The following TNRC6C variants were observed in gnomAD, a reference collection of about 807,000 sequenced individuals.
TNRC6C encodes trinucleotide repeat-containing gene 6C protein.
A neutral mutation model predicts 153.7 loss-of-function variants in TNRC6C; 20 were observed. The observed-to-expected ratio is 0.13, with a 90% CI of 0.09 to 0.19. TNRC6C has a LOEUF of 0.19. Ranked by LOEUF, TNRC6C falls within the 10% of genes least tolerant of loss-of-function variation. TNRC6C has a pLI of 1.00. For synonymous variants in TNRC6C, 811 were observed against 841.4 expected (o/e 0.96, Z 0.63); for missense variants, 1,987 against 2,172.0 (o/e 0.91, Z 1.69).
At chr17:78,016,023 A>G (rs1040659694) in intron 1 of TNRC6C, among the ~76,000 whole-genome samples, 1 of 152,248 alleles carries the variant, frequency 6.6e-6, no homozygotes, top group Non-Finnish European at 1.5e-5. Context: ...TGGGTTTAAA[A>G]TATGGAGGAC....
chr17:77,982,991 TA>T (rs1288681533), intron 1 of TNRC6C, among the ~76,000 whole-genome samples: 1 of 151,998 alleles, frequency 6.6e-6, no homozygotes, highest in Non-Finnish European at 1.5e-5. Context: ...AACAGAGCTT[TA>T]AAAGACAAAA....
At chr17:78,101,146 T>C (rs1483780799) in intron 17 of TNRC6C, among the ~76,000 whole-genome samples, 2 of 152,234 alleles carry the variant, frequency 1.3e-5, no homozygotes, top group Non-Finnish European at 2.9e-5. Context: ...AAGTCACCTC[T>C]TGAAGGCTTT....
At chr17:77,974,090 A>G (rs1319440577) in intron 1 of TNRC6C, among the ~76,000 whole-genome samples, 1 of 151,966 alleles carries the variant, frequency 6.6e-6, no homozygotes, top group Admixed American at 6.6e-5. Context: ...AAGAAAGAAA[A>G]AGAATGGAGG....
intron 3 of TNRC6C, among the ~76,000 whole-genome samples, chr17:78,051,927 C>T (rs929705996): frequency 6.6e-5 from 10 of 152,190 alleles, no homozygotes; most frequent in African/African-American, 2.4e-4. Context: ...TAAAAGGTCC[C>T]AGATACGGAA....
intron 1 of TNRC6C, chr17:78,008,541 C>T (rs1384048696): frequency 1.3e-5 from 2 of 152,236 alleles, no homozygotes; most frequent in Non-Finnish European, 2.9e-5. Context: ...CTTTGGCTTT[C>T]ATCAGTTTCT....
At chr17:78,092,057 G>T (rs2073403857) in intron 14 of TNRC6C, among the ~76,000 whole-genome samples, 1 of 152,072 alleles carries the variant, frequency 6.6e-6, no homozygotes, top group South Asian at 2.1e-4. Flanking sequence ...ACTCCAAACT[G>T]GTGTCCCCAT....
At chr17:78,085,039 G>T (rs1255839772) in intron 11 of TNRC6C, among the ~76,000 whole-genome samples, 4 of 152,142 alleles carry the variant, frequency 2.6e-5, no homozygotes, top group African/African-American at 9.7e-5. Context: ...CTGCCCGCCG[G>T]AGACCACTGA....
chr17:78,086,803 A>G (rs1209626917), intron 12 of TNRC6C, 50 bp from the exon 15 acceptor site: 3 of 1,598,632 alleles, frequency 1.9e-6, no homozygotes, highest in African/African-American at 2.7e-5. Context: ...TAGACAAGCC[A>G]TGAGTGTCCC....
chr17:78,082,998 CTA>C lies in TNRC6C; in HGVS notation c.3358-47_3358-46del, dbSNP rs758392597. The C allele has an allele frequency of 3.7e-5, 59 of 1,598,172 alleles. No individual in the cohort carries two copies. In the South Asian group the frequency reaches 4.7e-4, roughly 13 times the overall value. On this transcript the variant is annotated intron_variant, in intron 10 of 19. Transcript: ENST00000301624. ...TTTGAAAAACTACAGGTACAAGTAACTATTTTAACAGAGATACAACGGCTAAT... is the reference window on the plus strand; with the variant it reads ...TTTGAAAAACTACAGGTACAAGTAACTTTTAACAGAGATACAACGGCTAAT...
intron 3 of TNRC6C, among the ~76,000 whole-genome samples, chr17:78,057,645 C>T (rs1212215010): frequency 6.6e-6 from 1 of 152,184 alleles, no homozygotes; most frequent in Non-Finnish European, 1.5e-5. Context: ...GTGACTACTT[C>T]ATGAAGTTTC....
chr17:77,985,603 A>AAAAAAAAAAAAAAAAAAAAAAAAC (rs1321535708), intron 1 of TNRC6C, among the ~76,000 whole-genome samples: 3 of 147,598 alleles, frequency 2.0e-5, no homozygotes, highest in African/African-American at 5.1e-5. Flanking sequence ...CTCCGTCTCA[A>AAAAAAAAAAAAAAAAAAAAAAAAC]AAAAAAAAAA....
chr17:77,993,856 G>A (rs923064669), intron 1 of TNRC6C, among the ~76,000 whole-genome samples: 1 of 151,982 alleles, frequency 6.6e-6, no homozygotes, highest in Non-Finnish European at 1.5e-5. Flanking sequence ...GTTGTTTCCT[G>A]CAGCAATATA....
At chr17:78,078,794 G>A (rs184168995) in intron 9 of TNRC6C, among the ~76,000 whole-genome samples, 4 of 151,914 alleles carry the variant, frequency 2.6e-5, no homozygotes, top group African/African-American at 7.3e-5. Context: ...GCAAAACCCC[G>A]TCTCTACTAA....
intron 1 of TNRC6C, among the ~76,000 whole-genome samples, chr17:77,987,332 TACTC>T (rs1242804572): frequency 3.9e-5 from 6 of 152,362 alleles, no homozygotes; most frequent in Admixed American, 3.3e-4. Flanking sequence ...AAAATTATAA[TACTC>T]AGTGCTTATG....
chr17:78,017,740 G>T (rs60074485), intron 1 of TNRC6C, among the ~76,000 whole-genome samples: 1 of 152,318 alleles, frequency 6.6e-6, no homozygotes, highest in African/African-American at 2.4e-5. Context: ...TACCTCTCCA[G>T]CCTCCTGTGA....
At chr17:78,108,786 A>G (rs1384330325) in exon 20 of TNRC6C, 1 of 152,198 alleles carries the variant, frequency 6.6e-6, no homozygotes, top group Non-Finnish European at 1.5e-5. Flanking sequence ...GTGGATATAT[A>G]TTTTTTTAAG....
intron 1 of TNRC6C, among the ~76,000 whole-genome samples, chr17:77,964,914 A>G (rs1005560011): frequency 6.6e-6 from 1 of 152,190 alleles, no homozygotes; most frequent in Non-Finnish European, 1.5e-5. Context: ...AGGGAGGCAC[A>G]GTAAGGGAAG....
At chr17:78,107,767 CAAG>C (rs1050851454) in exon 20 of TNRC6C, 2 of 152,246 alleles carry the variant, frequency 1.3e-5, no homozygotes, top group African/African-American at 4.8e-5. Context: ...GGGACGGCAG[CAAG>C]AAGATGCCGG....
At chr17:78,039,041 C>G (rs888990405) in intron 2 of TNRC6C, among the ~76,000 whole-genome samples, 11 of 152,212 alleles carry the variant, frequency 7.2e-5, no homozygotes, top group African/African-American at 2.7e-4. Flanking sequence ...GAGCACAGCT[C>G]TTTACTGACG....
Sources: allele counts gnomAD v4.1 joint callset (sites outside exome capture counted in the v4.1 genomes callset), GRCh38; gene constraint gnomAD v4.1.1; transcripts MANE v1.5; gene names NCBI Gene and HGNC (gene_info 2026-07-23, HGNC 2026-07-21).